Variants in SKAP1 observed in about 807,000 individuals in gnomAD.
SKAP1 encodes src kinase associated phosphoprotein 1.
SKAP1 carries 44 observed loss-of-function variants against 58.5 expected under a neutral mutation model. The ratio of observed to expected loss-of-function variants is 0.75; its 90% CI spans 0.59 to 0.97. The LOEUF is 0.97. Ranked by LOEUF, SKAP1 falls within the 50% of genes least tolerant of loss-of-function variation. The pLI is 0.00. For synonymous variants in SKAP1, 127 were observed against 149.7 expected, an observed-to-expected ratio of 0.85 and a Z score of 1.11; for missense variants, 390 against 435.2, an observed-to-expected ratio of 0.90 and a Z score of 0.92.
In SKAP1 at chr17:48,396,796, AG is replaced by A. The variant is rs1448168564; in HGVS notation, c.47-12del. On this transcript the variant is annotated splice_polypyrimidine_tract_variant and intron_variant, in intron 1 of 12. Transcript: ENST00000336915. ...GAAACTCTTCAGCATCTAAAAGAAA[AG>A]GAAAGTTGATAAAACAGAAAAGATG... 1.3e-6 allele frequency: 2 copies of A among 1,595,470 alleles called. No homozygotes were observed. Among genetic ancestry groups the A allele is most frequent in the African/African-American group, 2.7e-5 (2 of 74,286 alleles).
chr17:48,331,799 A>C (rs1167397919), intron 4 of SKAP1, among the ~76,000 whole-genome samples: 1 of 152,186 alleles, frequency 6.6e-6, no homozygotes, highest in Non-Finnish European at 1.5e-5. Flanking sequence ...AAGGCCATAT[A>C]TGGCTTTTTT....
At chr17:48,196,114 G>C (rs2064625486) in intron 4 of SKAP1, among the ~76,000 whole-genome samples, 1 of 152,132 alleles carries the variant, frequency 6.6e-6, no homozygotes, top group African/African-American at 2.4e-5. Context: ...CCACTTTACA[G>C]ACTAGGAAAC....
chr17:48,187,959 A>T, intron 5 of SKAP1, 33 bp from the exon 6 acceptor site: 1 of 1,478,182 alleles, frequency 6.8e-7, no homozygotes, highest in Non-Finnish European at 9.5e-7. Context: ...ACATAAATTC[A>T]GGTAACTACC....
At chr17:48,245,736 G>A (rs750895887) in intron 4 of SKAP1, among the ~76,000 whole-genome samples, 1 of 152,194 alleles carries the variant, frequency 6.6e-6, no homozygotes, top group Non-Finnish European at 1.5e-5. Context: ...AACACTTTGG[G>A]AGGTCAAGGT....
chr17:48,229,941 C>T (rs1038145786), intron 4 of SKAP1, among the ~76,000 whole-genome samples: 6 of 152,190 alleles, frequency 3.9e-5, no homozygotes, highest in Non-Finnish European at 7.3e-5. Context: ...TGGGCTTGGT[C>T]CAGTTTTTAG....
At chr17:48,317,472 G>C (rs2066305233) in intron 4 of SKAP1, among the ~76,000 whole-genome samples, 1 of 152,148 alleles carries the variant, frequency 6.6e-6, no homozygotes, top group African/African-American at 2.4e-5. Context: ...AGTGCTCAAA[G>C]GTTTGGACTA....
chr17:48,326,687 T>C (rs147228399), intron 4 of SKAP1, among the ~76,000 whole-genome samples: 17 of 152,306 alleles, frequency 1.1e-4, no homozygotes, highest in African/African-American at 3.9e-4. Flanking sequence ...AGCAGGACAT[T>C]AATACATATC....
At position 48,408,870 on chromosome 17, in the gene SKAP1, A is replaced by T. The variant is rs575935772; in HGVS notation, c.47-12085T>A. On this transcript the variant is annotated intron_variant, in intron 1 of 12. Coordinates refer to ENST00000336915, the MANE Select transcript of SKAP1 (RefSeq NM_003726.4). ...GCTACTCACAGTGAATGTGATCTGC[A>T]GGTGCCTGAGCAACTTCACTGCTGT... is the stretch of plus-strand genomic sequence containing the variant. 3.3e-5 allele frequency among the ~76,000 whole-genome samples: 5 copies of T among 152,340 alleles called. No individual in the cohort carries two copies. The East Asian group carries it at 9.6e-4, about 29-fold the overall frequency.
chr17:48,145,527 C>T (rs2063821980), intron 11 of SKAP1, among the ~76,000 whole-genome samples: 1 of 152,074 alleles, frequency 6.6e-6, no homozygotes, highest in African/African-American at 2.4e-5. Context: ...GACTCTGCCT[C>T]CAGTGGTTTC....
At chr17:48,321,523 G>A (rs944984568) in intron 4 of SKAP1, among the ~76,000 whole-genome samples, 3 of 151,754 alleles carry the variant, frequency 2.0e-5, no homozygotes, top group Non-Finnish European at 4.4e-5. Context: ...GACTACAGGC[G>A]CCTGCCGCCA....
intron 4 of SKAP1, among the ~76,000 whole-genome samples, chr17:48,318,669 C>T (rs2066320948): frequency 3.9e-5 from 6 of 152,156 alleles, no homozygotes; most frequent in Admixed American, 3.3e-4. Flanking sequence ...AGTTCAAGAC[C>T]AGCCTGGGCA....
intron 4 of SKAP1, among the ~76,000 whole-genome samples, chr17:48,223,548 T>G (rs553616163): frequency 1.1e-4 from 17 of 152,316 alleles, no homozygotes; most frequent in Non-Finnish European, 2.1e-4. Flanking sequence ...AACTGAAGTG[T>G]GGGCAAATGT....
At position 48,194,494 on chromosome 17, in the gene SKAP1, C is replaced by T. The variant is rs112294519; in HGVS notation, c.281-4994G>A. 3.9e-5 allele frequency among the ~76,000 whole-genome samples: 6 copies of T among 152,136 alleles called. 2 individuals are homozygous for T. The highest frequency in any genetic ancestry group is 1.4e-4 in the African/African-American group (6 of 41,486). On this transcript the variant is annotated intron_variant, in intron 4 of 12. Coordinates refer to ENST00000336915, the MANE Select transcript of SKAP1 (RefSeq NM_003726.4). ...GAGTCACGGCCTATTTAACCAGCTG[C>T]GTTCTAGCCCACTGAGAAAAGAGAA...
chr17:48,258,794 A>G (rs983837837), intron 4 of SKAP1, among the ~76,000 whole-genome samples: 2 of 152,130 alleles, frequency 1.3e-5, no homozygotes, highest in African/African-American at 4.8e-5. Flanking sequence ...CTTAGGGACA[A>G]ACTGTATAGA....
chr17:48,260,486 T>C (rs2065472576), intron 4 of SKAP1, among the ~76,000 whole-genome samples: 1 of 152,268 alleles, frequency 6.6e-6, no homozygotes, highest in East Asian at 1.9e-4. Context: ...GGTTAATGAG[T>C]TGGCATTTAG....
intron 4 of SKAP1, among the ~76,000 whole-genome samples, chr17:48,285,640 CT>C (rs1442278972): frequency 6.6e-6 from 1 of 151,192 alleles, no homozygotes; most frequent in Admixed American, 6.6e-5. Flanking sequence ...AGGGGAGCCC[CT>C]ATGTCAATAT....
chr17:48,224,360 C>T (rs1160396763), intron 4 of SKAP1, among the ~76,000 whole-genome samples: 1 of 152,180 alleles, frequency 6.6e-6, no homozygotes, highest in Non-Finnish European at 1.5e-5. Flanking sequence ...TCCAATTTCT[C>T]ATTATGAATG....
intron 4 of SKAP1, among the ~76,000 whole-genome samples, chr17:48,229,581 A>G (rs2065105609): frequency 6.6e-6 from 1 of 152,126 alleles, no homozygotes; most frequent in South Asian, 2.1e-4. Flanking sequence ...AGATCATGCC[A>G]CTGCACTCCA....
chr17:48,438,033 C>T, the SKAP1 span, among the ~76,000 whole-genome samples: 1 of 152,166 alleles, frequency 6.6e-6, no homozygotes, highest in African/African-American at 2.4e-5. Flanking sequence ...CATGCCACCC[C>T]TCATATAAGC....
Sources: allele counts gnomAD v4.1 joint callset (sites outside exome capture counted in the v4.1 genomes callset), GRCh38; gene constraint gnomAD v4.1.1; transcripts MANE v1.5; gene names NCBI Gene and HGNC (gene_info 2026-07-23, HGNC 2026-07-21).